Variants in UBE2H observed in about 807,000 individuals in gnomAD.
UBE2H encodes ubiquitin conjugating enzyme E2 H, also known as ubiquitin-conjugating enzyme E2 H.
A neutral mutation model predicts 29.0 loss-of-function variants in UBE2H; 3 were observed. That is an observed-to-expected ratio of 0.10 (90% confidence interval 0.05 to 0.27). The LOEUF (loss-of-function observed/expected upper bound fraction) is 0.27, where lower values mean the gene tolerates loss of function less well. Ranked by LOEUF, UBE2H falls within the 10% of genes least tolerant of loss-of-function variation. The pLI is 1.00. For synonymous variants in UBE2H, 69 were observed against 82.9 expected, an observed-to-expected ratio of 0.83 and a Z score of 0.91; for missense variants, 68 against 228.2, an observed-to-expected ratio of 0.30 and a Z score of 4.52.
intron 1 of UBE2H, among the ~76,000 whole-genome samples, chr7:129,881,838 G>T (rs1040184372): frequency 6.6e-6 from 1 of 152,016 alleles, no homozygotes; most frequent in African/African-American, 2.4e-5. Flanking sequence ...CCTAAAACGA[G>T]GGATTTACTA....
intron 5 of UBE2H, among the ~76,000 whole-genome samples, chr7:129,851,871 AAG>A (rs1351039316): frequency 6.6e-6 from 1 of 152,222 alleles, no homozygotes; most frequent in African/African-American, 2.4e-5. Context: ...CAGACAGATA[AAG>A]AAGGTTGGTT....
At position 129,952,634 on chromosome 7, in the gene UBE2H, G is replaced by A. The variant is rs992313430; in HGVS notation, c.-79C>T. 11 of 1,539,272 alleles carry A rather than the reference G, an allele frequency of 7.1e-6. No individual in the cohort carries two copies. Among genetic ancestry groups the A allele is most frequent in the Non-Finnish European group, 8.8e-6 (10 of 1,141,548 alleles). ...CCCCGGCTCTGAGGAGCCCGCGGCC[G>A]CGCCGGCTCCTCGGTGGAGGTGGCA... On this transcript the variant is annotated 5_prime_UTR_variant, in exon 1 of 7. Transcript: ENST00000355621.
At chr7:129,843,100 G>A (rs945817991) in intron 5 of UBE2H, among the ~76,000 whole-genome samples, 1 of 146,696 alleles carries the variant, frequency 6.8e-6, no homozygotes, top group African/African-American at 2.5e-5. Flanking sequence ...CTGGGTTCAC[G>A]CCATTCTCCT....
intron 1 of UBE2H, among the ~76,000 whole-genome samples, chr7:129,941,782 T>C (rs1308578892): frequency 6.6e-6 from 1 of 152,106 alleles, no homozygotes; most frequent in Admixed American, 6.6e-5. Flanking sequence ...ATAAGATAAA[T>C]TGTTTATAAT....
At chr7:129,910,186 G>A (rs1220448663) in intron 1 of UBE2H, among the ~76,000 whole-genome samples, 5 of 152,094 alleles carry the variant, frequency 3.3e-5, no homozygotes, top group Admixed American at 2.0e-4. Context: ...AAAATTAGCC[G>A]AGTGTGGTGG....
At chr7:129,847,876 T>C (rs555856261) in intron 5 of UBE2H, among the ~76,000 whole-genome samples, 1 of 152,284 alleles carries the variant, frequency 6.6e-6, no homozygotes, top group Admixed American at 6.5e-5. Context: ...TGGCTAGGTG[T>C]TCTTCCTTTC....
At chr7:129,911,730 T>A (rs1584781500) in intron 1 of UBE2H, among the ~76,000 whole-genome samples, 1 of 152,124 alleles carries the variant, frequency 6.6e-6, no homozygotes, top group East Asian at 1.9e-4. Context: ...CTTGAACTCC[T>A]GGGTTCAAGT....
At chr7:129,883,102 A>T (rs1247886392) in intron 1 of UBE2H, among the ~76,000 whole-genome samples, 1 of 152,258 alleles carries the variant, frequency 6.6e-6, no homozygotes, top group Non-Finnish European at 1.5e-5. Context: ...GTTTAAAAAG[A>T]TATTTCTTCA....
At chr7:129,929,969 T>C (rs1039680873) in intron 1 of UBE2H, among the ~76,000 whole-genome samples, 1 of 151,990 alleles carries the variant, frequency 6.6e-6, no homozygotes, top group African/African-American at 2.4e-5. Context: ...AAGATCGCAC[T>C]GCTGCACTCC....
At chr7:129,922,932 C>T (rs756580844) in intron 1 of UBE2H, among the ~76,000 whole-genome samples, 2 of 151,736 alleles carry the variant, frequency 1.3e-5, no homozygotes, top group African/African-American at 2.4e-5. Flanking sequence ...GAAGGAGTCT[C>T]GCTCTGTCGC....
intron 1 of UBE2H, among the ~76,000 whole-genome samples, chr7:129,942,209 T>A (rs1341364579): frequency 3.3e-5 from 3 of 89,718 alleles, no homozygotes; most frequent in African/African-American, 1.4e-4. Context: ...TGAGACTCGG[T>A]CTCAAAAAAA....
At chr7:129,950,052 A>G (rs1318215802) in intron 1 of UBE2H, among the ~76,000 whole-genome samples, 1 of 152,132 alleles carries the variant, frequency 6.6e-6, no homozygotes, top group East Asian at 1.9e-4. Context: ...TGCTAAATAT[A>G]CCTTACTCAA....
chr7:129,874,984 G>A (rs1229809357), intron 3 of UBE2H, among the ~76,000 whole-genome samples: 3 of 152,184 alleles, frequency 2.0e-5, no homozygotes, highest in Non-Finnish European at 2.9e-5. Flanking sequence ...TGGGAAACAC[G>A]TGGGTTAGGC....
At chr7:129,911,353 A>G (rs1806932853) in intron 1 of UBE2H, among the ~76,000 whole-genome samples, 1 of 148,610 alleles carries the variant, frequency 6.7e-6, no homozygotes, top group South Asian at 2.2e-4. Context: ...CCTGGGTGAC[A>G]GAGTGAGACT....
chr7:129,900,504 C>T (rs1806688546), intron 1 of UBE2H, among the ~76,000 whole-genome samples: 3 of 152,178 alleles, frequency 2.0e-5, no homozygotes, highest in Admixed American at 6.5e-5. Flanking sequence ...GACTTTCTCA[C>T]ATTGGAGTAT....
chr7:129,874,458 C>T (rs1303169075), intron 3 of UBE2H, among the ~76,000 whole-genome samples: 4 of 151,752 alleles, frequency 2.6e-5, no homozygotes, highest in South Asian at 4.2e-4. Context: ...TACAGGTGCC[C>T]GCCACCACGC....
At position 129,834,780 on chromosome 7, in the gene UBE2H, T is replaced by C. The variant is rs893820472; in HGVS notation, c.*157A>G. The C allele has an allele frequency of 7.0e-6, 6 of 861,502 alleles. No individual in the cohort carries two copies. The highest frequency in any genetic ancestry group is 6.7e-6 in the Non-Finnish European group (4 of 597,680). The allele number at this position is 861,502 out of a possible 1,614,324, so 53.4% of individuals were successfully genotyped here. ...TTGAGAAATGACCAAGAAATCAAGA[T>C]CTAAAGGGTGATATATAATATATAT... On this transcript the variant is annotated 3_prime_UTR_variant, in exon 7 of 7. Transcript: ENST00000355621.
At chr7:129,882,321 T>C (rs1352124900) in intron 1 of UBE2H, among the ~76,000 whole-genome samples, 1 of 152,228 alleles carries the variant, frequency 6.6e-6, no homozygotes, top group African/African-American at 2.4e-5. Flanking sequence ...ACACAATAGA[T>C]TGGTCTCATA....
At chr7:129,913,532 A>G (rs1806982609) in intron 1 of UBE2H, among the ~76,000 whole-genome samples, 1 of 152,118 alleles carries the variant, frequency 6.6e-6, no homozygotes, top group African/African-American at 2.4e-5. Context: ...AACACCCGCC[A>G]TGTCTAGATG....
Sources: gnomAD v4.1 joint callset for allele counts (sites outside exome capture counted in the v4.1 genomes callset) on GRCh38, gnomAD v4.1.1 for gene constraint, MANE v1.5 for transcripts, NCBI Gene and HGNC (gene_info 2026-07-23, HGNC 2026-07-21) for gene names.